XAF1: variants seen among roughly 807,000 people sequenced by gnomAD.
XAF1 encodes XIAP-associated factor 1.
Under a neutral mutation model 32.3 loss-of-function variants are expected in XAF1, and 32 were observed. That is an observed-to-expected ratio of 0.99 (90% CI 0.75 to 1.33). The LOEUF (loss-of-function observed/expected upper bound fraction) is 1.33, where lower values mean the gene tolerates loss of function less well. Among genes scored for constraint, XAF1 ranks in the 40% most tolerant of loss-of-function variants. The pLI is 0.00. For missense variants in XAF1, 379 were observed against 366.0 expected (o/e 1.04, Z -0.29); for synonymous variants, 120 against 125.9 (o/e 0.95, Z 0.31).
Position 6,759,690 on chromosome 17 carries a change from T to C in XAF1, c.197T>C (p.Met66Thr). 1 of 1,613,836 alleles carries C rather than the reference T, an allele frequency of 6.2e-7. No homozygotes were observed. Among genetic ancestry groups the C allele is most frequent in the East Asian group, 2.2e-5 (1 of 44,864 alleles). ...QVGCTMCQQS[M>T]QKSSLEFHKA... ...GGGTGTACGATGTGTCAGCAGAGCA[T>C]GCAGAAGTCCTCGCTGGAGTTTCAT... Residue 66 changes from methionine (M) to threonine (T), a missense_variant, in exon 3 of 7, where the codon ATG becomes ACG. Physicochemically the swap from Met to Thr is moderately conservative, Grantham distance 81 (BLOSUM62 -1). Transcript: ENST00000361842.
upstream of XAF1, chr17:6,755,469 G>C (rs1194205432): frequency 2.0e-6 from 2 of 986,794 alleles, no homozygotes; most frequent in African/African-American, 3.5e-5. Context: ...GAGTTCTTCT[G>C]TTAGCACAGC....
intron 6 of XAF1, 167 bp downstream of exon 6, chr17:6,771,151 C>G: frequency 3.1e-6 from 2 of 642,472 alleles, no homozygotes; most frequent in East Asian, 5.7e-5. Flanking sequence ...GCACTTACCA[C>G]CTGGTTTATT....
At position 6,758,102 on chromosome 17, in the gene XAF1, G is replaced by C. The variant is rs1251352684; in HGVS notation, c.46G>C (p.Val16Leu). The change falls in exon 2 of 7, where the codon GTC becomes CTC. Residue 16 changes from valine to leucine, a missense_variant. Coordinates refer to ENST00000361842, the MANE Select transcript of XAF1 (RefSeq NM_017523.5). ...TTGACCCTGTAGTAAAAGACATGTA[G>C]TCTCTGCCAACTTCACCCTCCATGA... ...SVCRNCKRHV[V>L]SANFTLHEAY... is the part of the protein sequence containing the mutation. 1.2e-6 allele frequency: 2 copies of C among 1,614,230 alleles called. No individual in the cohort carries two copies. Among genetic ancestry groups the C allele is most frequent in the Non-Finnish European group, 1.7e-6 (2 of 1,180,040 alleles).
chr17:6,756,195 A>G, intron 1 of XAF1, 85 bp downstream of exon 1: 1 of 1,609,376 alleles, frequency 6.2e-7, no homozygotes, highest in Non-Finnish European at 8.5e-7. Context: ...AAGGGAGCAG[A>G]AAGTGGTTCC....
chr17:6,772,465 C>CTTTTTTTTTTTTTTTTT (rs71383425), intron 6 of XAF1, among the ~76,000 whole-genome samples: 1 of 94,188 alleles, frequency 1.1e-5, no homozygotes, highest in Non-Finnish European at 2.0e-5. Context: ...AAGCTGCCAT[C>CTTTTTTTTTTTTTTTTT]TTTTTTTTTT....
Position 6,774,002 on chromosome 17 carries a change from C to T in XAF1, c.*833C>T, listed in dbSNP as rs547804377. On this transcript the variant is annotated 3_prime_UTR_variant, in exon 7 of 7. Coordinates refer to ENST00000361842, the MANE Select transcript of XAF1 (RefSeq NM_017523.5). ...GCAATTTATAGATTCAATGCTATTC[C>T]TATCAAACTACCAATAACATTCTTC... is the stretch of plus-strand genomic sequence containing the variant. The T allele has an allele frequency of 6.6e-6, 1 of 152,070 alleles. No individual in the cohort carries two copies. Among genetic ancestry groups the T allele is most frequent in the Admixed American group, 6.5e-5 (1 of 15,288 alleles). The allele number at this position is 152,070 out of a possible 1,614,324, so 9.4% of individuals were successfully genotyped here. A position where few individuals can be genotyped will look rare whatever the true frequency, so the allele number is the denominator to read the frequency against.
chr17:6,763,146 G>A (rs1038505273), intron 5 of XAF1, among the ~76,000 whole-genome samples: 1 of 152,034 alleles, frequency 6.6e-6, no homozygotes, highest in Admixed American at 6.6e-5. Flanking sequence ...CCAGTTCCTG[G>A]CAACCACTAA....
rs770555504 is a variant in XAF1, at chr17:6,758,081, C to T, written c.33-8C>T. ...CTATTTTTCTATCCCCACACCTTGA[C>T]CCTGTAGTAAAAGACATGTAGTCTC... On this transcript the variant is annotated splice_polypyrimidine_tract_variant and splice_region_variant and intron_variant, in intron 1 of 6. Transcript: ENST00000361842. 2 of 1,614,220 alleles carry T rather than the reference C, an allele frequency of 1.2e-6. No homozygotes were observed. Among genetic ancestry groups the T allele is most frequent in the Middle Eastern group, 1.6e-4 (1 of 6,062 alleles).
intron 6 of XAF1, 48 bp from the exon 7 acceptor site, chr17:6,773,065 C>T: frequency 1.3e-6 from 2 of 1,488,954 alleles, no homozygotes; most frequent in South Asian, 1.2e-5. Context: ...TAGGAGCTAG[C>T]ACTTCTTACT....
At chr17:6,767,916 G>T (rs1448268101) in intron 5 of XAF1, among the ~76,000 whole-genome samples, 1 of 152,060 alleles carries the variant, frequency 6.6e-6, no homozygotes, top group Non-Finnish European at 1.5e-5. Flanking sequence ...AAAGTCTAAA[G>T]TTAGTCATTA....
rs75309056 is a variant in XAF1 at position 6,762,082 on chromosome 17, T to G, written c.422-73T>G. On this transcript the variant is annotated intron_variant, in intron 4 of 6. Coordinates refer to ENST00000361842, the MANE Select transcript of XAF1 (RefSeq NM_017523.5). Reference sequence around the variant, plus strand: ...CGTGCTCATGAGCACAGGCCATGTATGCAGTTGTGGGAGAGCTGGGCTAGC... The same window carrying G: ...CGTGCTCATGAGCACAGGCCATGTAGGCAGTTGTGGGAGAGCTGGGCTAGC... 1,988 of 1,607,554 alleles carry G rather than the reference T, an allele frequency of 1.2e-3. 21 individuals carry two copies. The African/African-American group carries it at 0.023, about 19-fold the overall frequency.
chr17:6,759,526 A>G, intron 2 of XAF1, 136 bp from the exon 3 acceptor site: 2 of 1,508,504 alleles, frequency 1.3e-6, no homozygotes, highest in African/African-American at 1.4e-5. Context: ...TGAGGTAGCC[A>G]CATCGGATCC....
chr17:6,765,828 T>G (rs1230363339), intron 5 of XAF1, among the ~76,000 whole-genome samples: 1 of 152,228 alleles, frequency 6.6e-6, no homozygotes, highest in African/African-American at 2.4e-5. Flanking sequence ...CGTGATCCCT[T>G]AAAAATACAA....
intron 3 of XAF1, 152 bp downstream of exon 3, chr17:6,759,870 C>T (rs776757778): frequency 7.6e-5 from 98 of 1,297,538 alleles, no homozygotes; most frequent in South Asian, 9.5e-5. Flanking sequence ...ACTAGCCCAC[C>T]GCATAACACA....
At chr17:6,756,856 T>C (rs1454737781) in intron 1 of XAF1, among the ~76,000 whole-genome samples, 2 of 152,164 alleles carry the variant, frequency 1.3e-5, no homozygotes, top group Admixed American at 1.3e-4. Flanking sequence ...GCACGTCCCC[T>C]GTGCCAGGAA....
intron 5 of XAF1, among the ~76,000 whole-genome samples, chr17:6,766,477 A>G (rs901129313): frequency 6.6e-5 from 10 of 152,290 alleles, no homozygotes; most frequent in Admixed American, 5.2e-4. Context: ...TTATTGACTC[A>G]TAAGGATTTA....
At position 6,770,779 on chromosome 17, in the gene XAF1, G is replaced by C; in HGVS notation, c.644G>C (p.Arg215Thr). 6.2e-7 allele frequency: 1 copy of C among 1,614,054 alleles called. No individual in the cohort carries two copies. Among genetic ancestry groups the C allele is most frequent in the African/African-American group, 1.3e-5 (1 of 75,038 alleles). Residue 215 changes from arginine (R) to threonine (T), a missense_variant, in exon 6 of 7, where the codon AGA becomes ACA. Arg to Thr is a moderately conservative substitution (Grantham distance 71, BLOSUM62 -1). Transcript: ENST00000361842. ...TMEKDVRPKTRSINRFPLHSE... is the reference protein window; with the variant it reads ...TMEKDVRPKTTSINRFPLHSE... ...GAGAAAGATGTTCGTCCAAAGACAA[G>C]AAGTATAAACAGATTTCCTCTTCAT... is the stretch of plus-strand genomic sequence containing the variant.
At chr17:6,755,551 C>T, upstream of XAF1, 1 of 998,996 alleles carries the variant, frequency 1.0e-6, no homozygotes, top group Non-Finnish European at 1.2e-6. Flanking sequence ...GGGCTCACAC[C>T]ACCCTGCATC....
chr17:6,773,295 G>A lies in XAF1; in HGVS notation c.*126G>A, dbSNP rs1976195722. On this transcript the variant is annotated 3_prime_UTR_variant, in exon 7 of 7. Coordinates refer to ENST00000361842, the MANE Select transcript of XAF1 (RefSeq NM_017523.5). ...TATTCGTTGGGCTTTAAAAGAAAAG[G>A]TTTGGCAGAACTAAAAACAAAACTC... 4.7e-6 allele frequency: 4 copies of A among 842,538 alleles called. No individual in the cohort carries two copies. The highest frequency in any genetic ancestry group is 6.9e-6 in the Non-Finnish European group (4 of 575,796). 52.2% of individuals were successfully genotyped at this position (842,538 alleles called of 1,614,324 possible).
Sources: allele counts gnomAD v4.1 joint callset (sites outside exome capture counted in the v4.1 genomes callset), GRCh38; gene constraint gnomAD v4.1.1; transcripts MANE v1.5; gene names NCBI Gene and HGNC (gene_info 2026-07-23, HGNC 2026-07-21).